HELLS: variants seen among roughly 807,000 people sequenced by gnomAD.
HELLS encodes lymphoid-specific helicase.
Under a neutral mutation model 120.0 loss-of-function variants are expected in HELLS, and 32 were observed. That is an observed-to-expected ratio of 0.27 (90% confidence interval 0.20 to 0.36). The LOEUF is 0.36. Ranked by LOEUF, HELLS falls within the 10% of genes least tolerant of loss-of-function variation. The pLI is 1.00. For synonymous variants in HELLS, 341 were observed against 323.4 expected (o/e 1.05, Z -0.58); for missense variants, 650 against 993.4 (o/e 0.65, Z 4.65).
intron 12 of HELLS, 118 bp downstream of exon 12, chr10:94,583,177 A>C (rs1027487370): frequency 4.1e-6 from 2 of 487,434 alleles, no homozygotes; most frequent in Non-Finnish European, 7.2e-6. Context: ...ATCCTCCTAC[A>C]TTTAAATGAC....
At chr10:94,550,665 C>A (rs2134274241) in intron 2 of HELLS, among the ~76,000 whole-genome samples, 1 of 152,014 alleles carries the variant, frequency 6.6e-6, no homozygotes, top group African/African-American at 2.4e-5. Flanking sequence ...TGAGGCGGGG[C>A]AGATCGCTTG....
chr10:94,571,432 A>G lies in HELLS; in HGVS notation c.477+3A>G, dbSNP rs764983040. 1 of 1,497,870 alleles carries G rather than the reference A, an allele frequency of 6.7e-7. No individual in the cohort carries two copies. The highest frequency in any genetic ancestry group is 9.2e-7 in the Non-Finnish European group (1 of 1,087,100). The allele number at this position is 1,497,870 out of a possible 1,614,324, so 92.8% of individuals were successfully genotyped here. ...AAAAAAATAAAAAGGAGAATGAGGTAAGAAATTTATAATGTAAGATTAAGT... is the reference window on the plus strand; with the variant it reads ...AAAAAAATAAAAAGGAGAATGAGGTGAGAAATTTATAATGTAAGATTAAGT... On this transcript the variant is annotated splice_donor_region_variant and intron_variant, in intron 7 of 21. Transcript: ENST00000348459.
At chr10:94,578,571 A>G (rs757577540) in intron 10 of HELLS, among the ~76,000 whole-genome samples, 6 of 151,934 alleles carry the variant, frequency 3.9e-5, no homozygotes, top group Non-Finnish European at 7.4e-5. Flanking sequence ...ACCTGGGCAT[A>G]GTGGCCTAGC....
At chr10:94,554,836 CTA>C (rs1403431982) in intron 3 of HELLS, among the ~76,000 whole-genome samples, 3 of 151,810 alleles carry the variant, frequency 2.0e-5, no homozygotes, top group African/African-American at 7.3e-5. Flanking sequence ...TCAATCACGT[CTA>C]TGTTATGAGG....
At chr10:94,562,246 T>A (rs759094403) in intron 4 of HELLS, among the ~76,000 whole-genome samples, 1 of 151,906 alleles carries the variant, frequency 6.6e-6, no homozygotes, top group Non-Finnish European at 1.5e-5. Flanking sequence ...CTACTAAAAA[T>A]ACAAAAATTA....
chr10:94,589,143 C>A (rs992304839), intron 13 of HELLS, among the ~76,000 whole-genome samples: 1 of 151,576 alleles, frequency 6.6e-6, no homozygotes, highest in Non-Finnish European at 1.5e-5. Flanking sequence ...AGCGAAACTC[C>A]GTCTCAAAAA....
Position 94,601,575 on chromosome 10 carries a change from A to G in HELLS, c.2470A>G (p.Lys824Glu). ...GPIKEKMGIF[K>E]ILENSEDSSP... ...AATTAAAGAGAAGATGGGGATATTC[A>G]AGATATTAGAAAATTCTGAAGATTC... is the stretch of plus-strand genomic sequence containing the variant. Residue 824 changes from lysine (K) to glutamate (E), a missense_variant, in exon 22 of 22, where the codon AAG becomes GAG. Lys to Glu is a moderately conservative substitution (Grantham distance 56). Around this residue, in one of 9 missense-constraint regions of HELLS, gnomAD observed 90 missense variants for 109.2 expected, o/e 0.82. Coordinates refer to ENST00000348459, the MANE Select transcript of HELLS (RefSeq NM_018063.5). 2 of 1,589,084 alleles carry G rather than the reference A, an allele frequency of 1.3e-6. No individual in the cohort carries two copies. The highest frequency in any genetic ancestry group is 1.7e-6 in the Non-Finnish European group (2 of 1,162,234).
At chr10:94,598,420 A>G (rs77116032) in intron 21 of HELLS, among the ~76,000 whole-genome samples, 4,904 of 152,250 alleles carry the variant, frequency 0.032, 113 homozygotes, top group Middle Eastern at 0.14. Flanking sequence ...CAGCCTTTGG[A>G]GTAAGCTGGG....
chr10:94,590,711 C>T lies in HELLS; in HGVS notation c.1702C>T (p.Arg568Cys), dbSNP rs1284553236. Residue 568 changes from arginine to cysteine, a missense_variant, in exon 15 of 22, where the codon CGT becomes TGT. Transcript: ENST00000348459. ...LKLQNIMMLL[R>C]KCCNHPYLIE... ...GCTGCAGAATATAATGATGCTACTT[C>T]GTAAATGTTGTAATCATCCATATTT... 1 of 1,603,414 alleles carries T rather than the reference C, an allele frequency of 6.2e-7. No homozygotes were observed. Among genetic ancestry groups the T allele is most frequent in the Non-Finnish European group, 8.5e-7 (1 of 1,171,066 alleles).
chr10:94,609,696 G>A (rs1846169363), intron 9 of HELLS, among the ~76,000 whole-genome samples: 1 of 152,208 alleles, frequency 6.6e-6, no homozygotes, highest in East Asian at 1.9e-4. Context: ...CCATTTTAAT[G>A]TTTTATCAAG....
intron 2 of HELLS, among the ~76,000 whole-genome samples, chr10:94,548,989 G>A (rs1295668423): frequency 4.0e-5 from 6 of 151,714 alleles, no homozygotes; most frequent in South Asian, 2.1e-4. Flanking sequence ...GCAAGATTCC[G>A]TCTCAAAAAA....
chr10:94,585,117 C>CT (rs1315180163), intron 12 of HELLS, among the ~76,000 whole-genome samples: 1 of 151,598 alleles, frequency 6.6e-6, no homozygotes, highest in Non-Finnish European at 1.5e-5. Context: ...ATTTTTTTTA[C>CT]TTTCCGTTTA....
rs184515873 is a variant in HELLS, at chr10:94,583,892, A to G, written c.1326+833A>G. 2.1e-4 allele frequency: 89 copies of G among 414,494 alleles called. 1 individual carries two copies. In the East Asian group the frequency reaches 3.0e-3, roughly 14 times the overall value. The allele number at this position is 414,494 out of a possible 1,614,324, so 25.7% of individuals were successfully genotyped here. On this transcript the variant is annotated intron_variant, in intron 12 of 21. Transcript: ENST00000348459. ...TGTTCTACTATAATTAATAATATCT[A>G]TCTCTTCCTCTTTTCAAAATTTTCA...
At chr10:94,588,577 C>T (rs7922831) in intron 13 of HELLS, among the ~76,000 whole-genome samples, 187 bp downstream of exon 13, 151,996 of 152,302 alleles carry the variant, frequency 1, 75,845 homozygotes, top group East Asian at 1. Context: ...ACTGGCATTT[C>T]GCCATGTTTC....
chr10:94,592,450 A>G lies in HELLS; in HGVS notation c.1907A>G (p.His636Arg), dbSNP rs1490427776. Residue 636 changes from histidine to arginine, a missense_variant, in exon 17 of 22, where the codon CAT (histidine) becomes CGT (arginine). His to Arg is a conservative substitution (Grantham distance 29). Around this residue, in one of 9 missense-constraint regions of HELLS, gnomAD observed 191 missense variants for 259.7 expected, o/e 0.74. Coordinates refer to ENST00000348459, the MANE Select transcript of HELLS (RefSeq NM_018063.5). ...TTGGACATTTTGATGGATTACTGCC[A>G]TCTCAGAGATTTCAACTTCAGCAGG... The part of the protein sequence containing the change: ...SMLDILMDYC[H>R]LRDFNFSRLD... 6.3e-7 allele frequency: 1 copy of G among 1,582,118 alleles called. No individual in the cohort carries two copies. Among genetic ancestry groups the G allele is most frequent in the Non-Finnish European group, 8.6e-7 (1 of 1,168,440 alleles).
At chr10:94,571,178 A>G (rs1029643510) in intron 6 of HELLS, 2 of 413,444 alleles carry the variant, frequency 4.8e-6, no homozygotes, top group Non-Finnish European at 8.7e-6. Flanking sequence ...ATCCCATTGT[A>G]TAAGTGTTCC....
At chr10:94,551,329 G>A (rs1404154247) in intron 2 of HELLS, among the ~76,000 whole-genome samples, 1 of 152,090 alleles carries the variant, frequency 6.6e-6, no homozygotes. Flanking sequence ...CCAGCACTTT[G>A]GGAGGCTGAG....
chr10:94,588,518 A>G, intron 13 of HELLS, 128 bp downstream of exon 13: 1 of 565,010 alleles, frequency 1.8e-6, no homozygotes, highest in Non-Finnish European at 2.9e-6. Flanking sequence ...ATCACTGCTC[A>G]CTGCAGCCTT....
chr10:94,609,721 A>C (rs1371304424), intron 9 of HELLS: 1 of 152,230 alleles, frequency 6.6e-6, no homozygotes, highest in Non-Finnish European at 1.5e-5. Flanking sequence ...GATGTCTCAC[A>C]TGAGTAGTTA....
Sources: allele counts gnomAD v4.1 joint callset (sites outside exome capture counted in the v4.1 genomes callset), GRCh38; gene constraint gnomAD v4.1.1; regional missense constraint gnomAD v4.1.1; transcripts MANE v1.5; gene names NCBI Gene and HGNC (gene_info 2026-07-23, HGNC 2026-07-21).